The following AGTPBP1 variants were observed in gnomAD, a reference collection of about 807,000 sequenced individuals.
AGTPBP1 encodes the protein ATP/GTP binding carboxypeptidase 1.
A neutral mutation model predicts 143.9 loss-of-function variants in AGTPBP1; 70 were observed. The ratio of observed to expected loss-of-function variants is 0.49; its 90% confidence interval spans 0.40 to 0.59. AGTPBP1 has a LOEUF of 0.59. AGTPBP1 is among the 20% of genes least tolerant of loss of function. AGTPBP1 has a pLI of 0.00. For missense variants in AGTPBP1, 1,229 were observed against 1,464.5 expected, an observed-to-expected ratio of 0.84 and a Z score of 2.62; for synonymous variants, 463 against 500.2, an observed-to-expected ratio of 0.93 and a Z score of 0.99.
intron 1 of AGTPBP1, among the ~76,000 whole-genome samples, chr9:85,738,889 G>T (rs1417542855): frequency 6.6e-6 from 1 of 151,796 alleles, no homozygotes; most frequent in Non-Finnish European, 1.5e-5. Context: ...AGATCCCTTT[G>T]AAGACTGAGG....
intron 25 of AGTPBP1, among the ~76,000 whole-genome samples, chr9:85,557,100 A>G (rs932467795): frequency 6.6e-6 from 1 of 152,198 alleles, no homozygotes; most frequent in Non-Finnish European, 1.5e-5. Flanking sequence ...TGTGAGAGAA[A>G]TAACTTTTTC....
chr9:85,712,956 A>C (rs1487076923), intron 1 of AGTPBP1, among the ~76,000 whole-genome samples: 2 of 152,220 alleles, frequency 1.3e-5, no homozygotes, highest in Non-Finnish European at 2.9e-5. Flanking sequence ...CCATTCACAC[A>C]GTAGTCAAAT....
At chr9:85,679,477 G>T (rs182389774) in intron 4 of AGTPBP1, among the ~76,000 whole-genome samples, 2 of 151,666 alleles carry the variant, frequency 1.3e-5, no homozygotes, top group African/African-American at 4.8e-5. Flanking sequence ...GCGCAATCTC[G>T]GCTCACTGCA....
chr9:85,643,860 T>G (rs376348989), intron 12 of AGTPBP1, among the ~76,000 whole-genome samples: 7 of 152,184 alleles, frequency 4.6e-5, no homozygotes, highest in African/African-American at 1.7e-4. Flanking sequence ...AAACTAATTA[T>G]TATCTTTGTT....
At chr9:85,570,430 C>T (rs1362302292) in intron 25 of AGTPBP1, among the ~76,000 whole-genome samples, 1 of 152,118 alleles carries the variant, frequency 6.6e-6, no homozygotes, top group East Asian at 1.9e-4. Flanking sequence ...TTTACCAAAC[C>T]TCATCTACTA....
the AGTPBP1 span, among the ~76,000 whole-genome samples, chr9:85,758,579 C>G: frequency 1.3e-5 from 2 of 151,998 alleles, no homozygotes; most frequent in African/African-American, 4.8e-5. Context: ...GAGAGGCAGA[C>G]GTTGCAGTGA....
chr9:85,752,031 C>T, the AGTPBP1 span, among the ~76,000 whole-genome samples: 2 of 151,334 alleles, frequency 1.3e-5, no homozygotes, highest in Non-Finnish European at 3.0e-5. Flanking sequence ...GTGTTCGAGA[C>T]CAGCCTGGCC....
the AGTPBP1 span, among the ~76,000 whole-genome samples, chr9:85,797,318 G>A: frequency 6.6e-6 from 1 of 151,888 alleles, no homozygotes; most frequent in African/African-American, 2.4e-5. Context: ...AATGTTGCCT[G>A]GCCTGGTCTC....
chr9:85,646,256 A>T (rs1832799564), intron 12 of AGTPBP1, 65 bp downstream of exon 12: 2 of 1,080,782 alleles, frequency 1.9e-6, no homozygotes, highest in Non-Finnish European at 2.8e-6. Flanking sequence ...TATTTACCCA[A>T]TTTTTGTTTT....
chr9:85,664,449 A>G (rs1834019013), intron 8 of AGTPBP1, among the ~76,000 whole-genome samples: 1 of 152,166 alleles, frequency 6.6e-6, no homozygotes, highest in Non-Finnish European at 1.5e-5. Flanking sequence ...GTTCATTTTT[A>G]TATGATTTTT....
intron 2 of AGTPBP1, among the ~76,000 whole-genome samples, chr9:85,711,688 C>A (rs1359467729): frequency 1.3e-5 from 2 of 152,064 alleles, no homozygotes; most frequent in Non-Finnish European, 2.9e-5. Context: ...GACCCACCCG[C>A]CTCGACCTCC....
intron 24 of AGTPBP1, among the ~76,000 whole-genome samples, chr9:85,577,363 A>G (rs959028220): frequency 1.3e-5 from 2 of 152,204 alleles, no homozygotes; most frequent in African/African-American, 4.8e-5. Context: ...GTTTTTTCCT[A>G]GAAATCACCT....
In AGTPBP1 at chr9:85,741,834, T is replaced by A; in HGVS notation, c.-93A>T. 1.4e-6 allele frequency: 2 copies of A among 1,406,704 alleles called. No homozygotes were observed. The highest frequency in any genetic ancestry group is 1.5e-5 in the South Asian group (1 of 67,458). The allele number at this position is 1,406,704 out of a possible 1,614,324, so 87.1% of individuals were successfully genotyped here. A position where few individuals can be genotyped will look rare whatever the true frequency, so the allele number is the denominator to read the frequency against. ...GAGCCGCAGCACCCGGCTCAGCACC[T>A]GGATCACGGCGGATCCCTCGCCGCC... On this transcript the variant is annotated 5_prime_UTR_variant, in exon 1 of 26. Coordinates refer to ENST00000357081, the MANE Select transcript of AGTPBP1 (RefSeq NM_001330701.2).
intron 1 of AGTPBP1, among the ~76,000 whole-genome samples, chr9:85,717,951 AGTT>A (rs1837826563): frequency 6.6e-6 from 1 of 151,678 alleles, no homozygotes; most frequent in African/African-American, 2.4e-5. Flanking sequence ...TCCTTGTGAT[AGTT>A]TGCTGAGAAT....
chr9:85,591,352 G>A (rs1020830337), intron 19 of AGTPBP1, among the ~76,000 whole-genome samples: 3 of 152,038 alleles, frequency 2.0e-5, no homozygotes, highest in Admixed American at 6.6e-5. Context: ...TTTGTGGGGT[G>A]GCAGCGGGAA....
chr9:85,672,632 G>T lies in AGTPBP1; in HGVS notation c.486C>A (p.Thr162=). 6.2e-7 allele frequency: 1 copy of T among 1,612,318 alleles called. No individual in the cohort carries two copies. Among genetic ancestry groups the T allele is most frequent in the Non-Finnish European group, 8.5e-7 (1 of 1,179,524 alleles). ...GCAAATTCTGCTTGACCAAATTCAGGGTTATATTCAGAGCCCCATTAATTC... is the reference window on the plus strand; with the variant it reads ...GCAAATTCTGCTTGACCAAATTCAGTGTTATATTCAGAGCCCCATTAATTC... ...KARINGALNI[T]LNLVKQNLQN... Residue 162 remains threonine (T), a synonymous_variant, in exon 7 of 26, where the codon ACC becomes ACA. Coordinates refer to ENST00000357081, the MANE Select transcript of AGTPBP1 (RefSeq NM_001330701.2).
chr9:85,698,242 A>G (rs1836400728), intron 2 of AGTPBP1, among the ~76,000 whole-genome samples: 1 of 152,232 alleles, frequency 6.6e-6, no homozygotes, highest in African/African-American at 2.4e-5. Context: ...TACGCCAATT[A>G]AAATAAATTT....
At chr9:85,627,671 C>T (rs1246710551) in intron 14 of AGTPBP1, among the ~76,000 whole-genome samples, 4 of 152,302 alleles carry the variant, frequency 2.6e-5, no homozygotes, top group Admixed American at 6.5e-5. Flanking sequence ...TTTGCCCCTG[C>T]TGAGACAGGC....
intron 1 of AGTPBP1, chr9:85,741,316 G>C: frequency 1.0e-6 from 1 of 985,444 alleles, no homozygotes; most frequent in Non-Finnish European, 1.2e-6. Flanking sequence ...TCGAAGCACA[G>C]GGGCCCGCGA....
Sources: allele counts gnomAD v4.1 joint callset (sites outside exome capture counted in the v4.1 genomes callset), GRCh38; gene constraint gnomAD v4.1.1; transcripts MANE v1.5; gene names NCBI Gene and HGNC (gene_info 2026-07-23, HGNC 2026-07-21).